Variants in GMDS observed in about 807,000 individuals in gnomAD.
GMDS encodes the protein GDP-mannose 4,6-dehydratase.
GMDS carries 20 observed loss-of-function variants against 49.9 expected under a neutral mutation model. The observed-to-expected ratio is 0.40, with a 90% CI of 0.28 to 0.58. GMDS has a LOEUF of 0.58. GMDS is among the 20% of genes least tolerant of loss of function. The pLI is 0.42. For synonymous variants in GMDS, 177 were observed against 178.6 expected, an observed-to-expected ratio of 0.99 and a Z score of 0.07; for missense variants, 362 against 481.4, an observed-to-expected ratio of 0.75 and a Z score of 2.32.
intron 7 of GMDS, among the ~76,000 whole-genome samples, chr6:1,838,910 T>TG (rs1489822519): frequency 6.6e-6 from 1 of 152,192 alleles, no homozygotes; most frequent in Non-Finnish European, 1.5e-5. Context: ...TTCCCTGAGG[T>TG]GGGACATCCA....
intron 7 of GMDS, among the ~76,000 whole-genome samples, chr6:1,795,411 C>A (rs1458021923): frequency 6.6e-6 from 1 of 152,146 alleles, no homozygotes; most frequent in Non-Finnish European, 1.5e-5. Context: ...GATCTTCCTT[C>A]TGAATATTCA....
intron 9 of GMDS, among the ~76,000 whole-genome samples, chr6:1,645,129 T>A (rs1256222678): frequency 6.6e-6 from 1 of 151,926 alleles, no homozygotes; most frequent in Non-Finnish European, 1.5e-5. Flanking sequence ...AGAGACGGCG[T>A]TTCACCATGC....
chr6:1,784,650 T>A (rs1161398467), intron 7 of GMDS, among the ~76,000 whole-genome samples: 1 of 152,184 alleles, frequency 6.6e-6, no homozygotes, highest in East Asian at 1.9e-4. Context: ...CTCTGGGTCA[T>A]GTGATTGACA....
chr6:1,717,310 G>C (rs1463114733), intron 9 of GMDS, among the ~76,000 whole-genome samples: 1 of 152,212 alleles, frequency 6.6e-6, no homozygotes, highest in East Asian at 1.9e-4. Context: ...GCTGGCTCTA[G>C]GGAGCAAGTA....
At chr6:1,765,794 C>T (rs886942012) in intron 7 of GMDS, among the ~76,000 whole-genome samples, 1 of 152,128 alleles carries the variant, frequency 6.6e-6, no homozygotes, top group African/African-American at 2.4e-5. Context: ...AGACACTCCC[C>T]GATGGAGGGT....
chr6:2,115,539 C>G (rs1260855021), intron 4 of GMDS, among the ~76,000 whole-genome samples: 1 of 152,162 alleles, frequency 6.6e-6, no homozygotes. Context: ...TAAACAAATA[C>G]TGCTATTCCA....
intron 7 of GMDS, among the ~76,000 whole-genome samples, chr6:1,809,417 T>C (rs1237938690): frequency 1.3e-5 from 2 of 152,202 alleles, no homozygotes; most frequent in Non-Finnish European, 2.9e-5. Context: ...AATTACATTC[T>C]AAAGCACAAT....
intron 7 of GMDS, among the ~76,000 whole-genome samples, chr6:1,755,325 G>A (rs1346991444): frequency 2.6e-5 from 4 of 152,146 alleles, no homozygotes; most frequent in African/African-American, 4.8e-5. Flanking sequence ...TACAAGAGAT[G>A]TGAGGGACCT....
chr6:1,885,480 G>A (rs1421493345), intron 7 of GMDS, among the ~76,000 whole-genome samples: 1 of 152,166 alleles, frequency 6.6e-6, no homozygotes, highest in African/African-American at 2.4e-5. Context: ...AACCATGGGA[G>A]GGATATATCT....
chr6:1,673,790 G>C (rs1274067268), intron 9 of GMDS, among the ~76,000 whole-genome samples: 2 of 151,822 alleles, frequency 1.3e-5, no homozygotes, highest in Non-Finnish European at 2.9e-5. Flanking sequence ...GAATCATACA[G>C]TACTCAGCTT....
intron 6 of GMDS, among the ~76,000 whole-genome samples, chr6:1,949,893 T>C (rs1763257143): frequency 1.3e-5 from 2 of 152,212 alleles, no homozygotes; most frequent in South Asian, 2.1e-4. Flanking sequence ...CTAAAATTTT[T>C]TGCAATAAAT....
chr6:1,931,647 G>A (rs1165745670), intron 6 of GMDS, among the ~76,000 whole-genome samples: 1 of 152,104 alleles, frequency 6.6e-6, no homozygotes, highest in Admixed American at 6.5e-5. Flanking sequence ...CTATTGACTT[G>A]TAAGAATTAA....
At chr6:1,685,018 C>CCT (rs1554107434) in intron 9 of GMDS, among the ~76,000 whole-genome samples, 64 of 149,908 alleles carry the variant, frequency 4.3e-4, no homozygotes, top group South Asian at 1.7e-3. Flanking sequence ...TCTCCCCCCC[C>CCT]TTTTTTTTTA....
chr6:1,952,296 G>C (rs1472370036), intron 6 of GMDS, among the ~76,000 whole-genome samples: 1 of 152,086 alleles, frequency 6.6e-6, no homozygotes. Flanking sequence ...TTAAAAAATA[G>C]AGAAAAATAG....
intron 7 of GMDS, among the ~76,000 whole-genome samples, chr6:1,842,723 T>C (rs1260943665): frequency 6.6e-6 from 1 of 152,214 alleles, no homozygotes; most frequent in South Asian, 2.1e-4. Flanking sequence ...GCTAAAAATA[T>C]CCTATTTTGA....
Position 1,635,334 on chromosome 6 carries a change from C to T in GMDS, c.988-10794G>A, listed in dbSNP as rs930525405. On this transcript the variant is annotated intron_variant, in intron 9 of 10. Transcript: ENST00000380815. The surrounding 1 kb of genome is among the most constrained non-coding windows in gnomAD (Gnocchi z 4.7). Reference sequence around the variant, plus strand: ...TGTCTTCTTCCGTGACCCTGGTCCACGGGACAGGCGAGGAAAGGGTTAAGG... The same window carrying T: ...TGTCTTCTTCCGTGACCCTGGTCCATGGGACAGGCGAGGAAAGGGTTAAGG... Among the ~76,000 whole-genome samples the T allele has an allele frequency of 5.8e-4, 89 of 152,196 alleles. No homozygotes were observed. The highest frequency in any genetic ancestry group is 2.0e-3 in the African/African-American group (85 of 41,520).
chr6:1,818,742 A>G (rs1207936851), intron 7 of GMDS, among the ~76,000 whole-genome samples: 3 of 152,110 alleles, frequency 2.0e-5, no homozygotes, highest in Non-Finnish European at 4.4e-5. Flanking sequence ...ATATATACAT[A>G]CATGTAATAA....
chr6:2,235,068 T>C (rs573344032), intron 1 of GMDS, among the ~76,000 whole-genome samples: 11 of 152,124 alleles, frequency 7.2e-5, no homozygotes, highest in African/African-American at 1.7e-4. Context: ...GAGGTTGCTG[T>C]GAACCAAGAT....
intron 7 of GMDS, among the ~76,000 whole-genome samples, chr6:1,925,009 G>A (rs562542552): frequency 2.0e-5 from 3 of 152,024 alleles, no homozygotes; most frequent in African/African-American, 7.2e-5. Flanking sequence ...CAAATTTTTA[G>A]TAGCTTGTGT....
Sources: gnomAD v4.1 joint callset for allele counts (sites outside exome capture counted in the v4.1 genomes callset) on GRCh38, gnomAD v4.1.1 for gene constraint, Gnocchi (gnomAD v3.1) non-coding constraint, MANE v1.5 for transcripts, NCBI Gene and HGNC (gene_info 2026-07-23, HGNC 2026-07-21) for gene names.